MIA2: variants seen among roughly 807,000 people sequenced by gnomAD.
MIA2 encodes the protein melanoma inhibitory activity protein 2.
Under a neutral mutation model 167.8 loss-of-function variants are expected in MIA2, and 127 were observed. That is an observed-to-expected ratio of 0.76 (90% CI 0.66 to 0.88). The LOEUF is 0.88. Ranked by LOEUF, MIA2 falls within the 40% of genes least tolerant of loss-of-function variation. The probability of loss-of-function intolerance (pLI) is 0.00; values close to 1 mark genes in which losing one functional copy is unlikely to be tolerated. For synonymous variants in MIA2, 552 were observed against 541.9 expected (o/e 1.02, Z -0.26); for missense variants, 1,690 against 1,624.7 (o/e 1.04, Z -0.69).
chr14:39,294,189 TA>T, intron 12 of MIA2, 118 bp downstream of exon 12: 1 of 655,802 alleles, frequency 1.5e-6, no homozygotes, highest in Non-Finnish European at 2.5e-6. Flanking sequence ...CCCAGATATG[TA>T]TTTTTTTTTT....
intron 6 of MIA2, among the ~76,000 whole-genome samples, chr14:39,258,173 G>C (rs1354288138): frequency 6.6e-6 from 1 of 152,202 alleles, no homozygotes; most frequent in African/African-American, 2.4e-5. Context: ...ATATCTGGAA[G>C]TGTGTTTTCC....
chr14:39,289,463 C>G (rs1170959527), intron 9 of MIA2, among the ~76,000 whole-genome samples: 1 of 152,102 alleles, frequency 6.6e-6, no homozygotes, highest in African/African-American at 2.4e-5. Context: ...TCCCTGTGAT[C>G]TGGCCTCCTA....
chr14:39,288,766 C>T (rs974407662), intron 9 of MIA2, among the ~76,000 whole-genome samples: 2 of 151,804 alleles, frequency 1.3e-5, no homozygotes, highest in Non-Finnish European at 2.9e-5. Flanking sequence ...GGCCAATTTG[C>T]ATATATTAAA....
At chr14:39,372,246 G>A (rs1427066702) in intron 23 of MIA2, among the ~76,000 whole-genome samples, 1 of 152,058 alleles carries the variant, frequency 6.6e-6, no homozygotes, top group East Asian at 1.9e-4. Context: ...AGCCAAGTGT[G>A]TGTTTTAAAG....
intron 23 of MIA2, among the ~76,000 whole-genome samples, chr14:39,364,431 G>T (rs773015401): frequency 1.4e-5 from 2 of 144,348 alleles, no homozygotes; most frequent in Non-Finnish European, 1.5e-5. Flanking sequence ...ATTGTGGTTT[G>T]TTGGTTTTTT....
intron 23 of MIA2, among the ~76,000 whole-genome samples, chr14:39,371,382 GA>G (rs2074943739): frequency 6.6e-6 from 1 of 152,138 alleles, no homozygotes; most frequent in South Asian, 2.1e-4. Flanking sequence ...AAAAAGACAA[GA>G]CTTTTTTAGG....
At chr14:39,376,759 G>A (rs2139344275) in intron 23 of MIA2, among the ~76,000 whole-genome samples, 1 of 152,290 alleles carries the variant, frequency 6.6e-6, no homozygotes, top group South Asian at 2.1e-4. Flanking sequence ...GGCAAAGCAG[G>A]CTGGAGGGGA....
intron 17 of MIA2, among the ~76,000 whole-genome samples, chr14:39,307,576 A>G (rs1030181530): frequency 2.6e-5 from 4 of 151,716 alleles, no homozygotes; most frequent in Admixed American, 2.6e-4. Flanking sequence ...TAATTTTTGT[A>G]TTTTAAGTAG....
intron 16 of MIA2, among the ~76,000 whole-genome samples, 196 bp downstream of exon 16, chr14:39,303,720 A>G (rs1400346950): frequency 6.6e-6 from 1 of 152,114 alleles, no homozygotes; most frequent in African/African-American, 2.4e-5. Flanking sequence ...TTTGGAATTT[A>G]TCAAAATAAA....
intron 3 of MIA2, among the ~76,000 whole-genome samples, chr14:39,242,169 C>A (rs1393607408): frequency 6.6e-6 from 1 of 152,008 alleles, no homozygotes; most frequent in South Asian, 2.1e-4. Flanking sequence ...TTATGTATAC[C>A]AATTATACCT....
chr14:39,360,746 A>C (rs533630393), intron 23 of MIA2, among the ~76,000 whole-genome samples: 30 of 152,260 alleles, frequency 2.0e-4, no homozygotes, highest in African/African-American at 6.0e-4. Flanking sequence ...CCAATGCCCT[A>C]TAGTGTTCCC....
chr14:39,295,855 G>T (rs2061356518), intron 13 of MIA2, among the ~76,000 whole-genome samples: 1 of 152,128 alleles, frequency 6.6e-6, no homozygotes, highest in Non-Finnish European at 1.5e-5. Flanking sequence ...ACTGCACCTG[G>T]CCTCATGGTT....
At chr14:39,325,500 T>C (rs948623897) in intron 24 of MIA2, among the ~76,000 whole-genome samples, 5 of 148,040 alleles carry the variant, frequency 3.4e-5, no homozygotes, top group East Asian at 4.1e-4. Flanking sequence ...CCTGAGTAGC[T>C]GGGACTACAG....
intron 25 of MIA2, among the ~76,000 whole-genome samples, chr14:39,345,204 C>T (rs2072962232): frequency 6.6e-6 from 1 of 152,144 alleles, no homozygotes; most frequent in South Asian, 2.1e-4. Flanking sequence ...CTCAGTCTCC[C>T]GAGTAGCTGG....
At chr14:39,348,406 T>C (rs1275241495) in intron 27 of MIA2, among the ~76,000 whole-genome samples, 5 of 152,326 alleles carry the variant, frequency 3.3e-5, no homozygotes, top group Non-Finnish European at 5.9e-5. Flanking sequence ...TTGGAAAATA[T>C]AAACATAGAC....
chr14:39,355,912 A>G (rs2074510702), downstream of MIA2, among the ~76,000 whole-genome samples: 2 of 152,186 alleles, frequency 1.3e-5, no homozygotes, highest in African/African-American at 2.4e-5. Context: ...CTATTTGATC[A>G]TGGTGGATAA....
At chr14:39,359,456 C>T (rs1028015539) in intron 23 of MIA2, among the ~76,000 whole-genome samples, 2 of 152,162 alleles carry the variant, frequency 1.3e-5, no homozygotes, top group African/African-American at 2.4e-5. Flanking sequence ...CTGTCACCCC[C>T]TTCCTTGGCT....
chr14:39,358,871 T>A (rs996506760), intron 23 of MIA2, among the ~76,000 whole-genome samples: 1 of 152,178 alleles, frequency 6.6e-6, no homozygotes, highest in Admixed American at 6.5e-5. Flanking sequence ...ACAGCGGATA[T>A]TGGTGAACAG....
chr14:39,306,779 G>A (rs749947128), intron 17 of MIA2, among the ~76,000 whole-genome samples: 24 of 152,138 alleles, frequency 1.6e-4, no homozygotes, highest in Non-Finnish European at 3.1e-4. Context: ...CGTTACAGGA[G>A]ATGATGCCTT....
Sources: gnomAD v4.1 joint callset for allele counts (sites outside exome capture counted in the v4.1 genomes callset) on GRCh38, gnomAD v4.1.1 for gene constraint, MANE v1.5 for transcripts, NCBI Gene and HGNC (gene_info 2026-07-23, HGNC 2026-07-21) for gene names.